ZNF474: variants seen among roughly 807,000 people sequenced by gnomAD.
The protein encoded by ZNF474 is zinc finger protein 474.
For synonymous variants in ZNF474, 192 were observed against 162.2 expected (o/e 1.18, Z -1.39); for missense variants, 511 against 433.8 (o/e 1.18, Z -1.58).
At chr5:122,140,477 A>T (rs1361878584) in intron 1 of ZNF474, among the ~76,000 whole-genome samples, 2 of 152,240 alleles carry the variant, frequency 1.3e-5, no homozygotes, top group East Asian at 3.8e-4. Context: ...CTCAGTAAAA[A>T]TTACAATAAA....
At chr5:122,142,254 CT>C (rs1285362306) in intron 1 of ZNF474, among the ~76,000 whole-genome samples, 1 of 152,176 alleles carries the variant, frequency 6.6e-6, no homozygotes, top group African/African-American at 2.4e-5. Context: ...AAAAAAGACC[CT>C]GTTGAAAACA....
chr5:122,129,609 T>C lies in ZNF474; in HGVS notation c.-287T>C, dbSNP rs753128965. 9.2e-5 allele frequency: 14 copies of C among 152,222 alleles called. No individual in the cohort carries two copies. The highest frequency in any genetic ancestry group is 1.5e-4 in the Non-Finnish European group (10 of 68,036). 9.4% of individuals were successfully genotyped at this position (152,222 alleles called of 1,614,324 possible). The stretch of plus-strand genomic sequence containing the variant: ...AATCTTGGAGCTCCCAGCTATTCTG[T>C]TCCTGTTTCTGTCAGCTCCTTCCCT... On this transcript the variant is annotated 5_prime_UTR_variant, in exon 1 of 2. Transcript: ENST00000296600.
intron 1 of ZNF474, among the ~76,000 whole-genome samples, chr5:122,144,934 G>C (rs1409640022): frequency 6.6e-6 from 1 of 152,150 alleles, no homozygotes; most frequent in Non-Finnish European, 1.5e-5. Flanking sequence ...ACTCAATATA[G>C]AGTGAAAATT....
Position 122,152,029 on chromosome 5 carries a change from A to C in ZNF474, c.39A>C (p.Leu13Phe). Residue 13 changes from leucine (L) to phenylalanine (F), a missense_variant, in exon 2 of 2, where the codon TTA (leucine) becomes TTC (phenylalanine). Physicochemically the swap from Leu to Phe is conservative, Grantham distance 22 (BLOSUM62 0). Transcript: ENST00000296600. ...AGAAGAAAAGAATTTCCAATAAGTT[A>C]CAACAAACTTTTCACCATTCTAAAG... ...RGKKKRISNK[L>F]QQTFHHSKEP... is the part of the protein sequence containing the mutation. The C allele has an allele frequency of 6.2e-7, 1 of 1,612,118 alleles. No individual in the cohort carries two copies. The highest frequency in any genetic ancestry group is 8.5e-7 in the Non-Finnish European group (1 of 1,179,544).
At chr5:122,143,461 A>G (rs890577731) in intron 1 of ZNF474, among the ~76,000 whole-genome samples, 2 of 152,190 alleles carry the variant, frequency 1.3e-5, no homozygotes, top group African/African-American at 4.8e-5. Context: ...AAATGTAGAT[A>G]CTAAAATATG....
At chr5:122,145,436 G>A (rs922715800) in intron 1 of ZNF474, among the ~76,000 whole-genome samples, 2 of 152,150 alleles carry the variant, frequency 1.3e-5, no homozygotes, top group Non-Finnish European at 2.9e-5. Flanking sequence ...CAGAACCAGT[G>A]AGAATGAGCC....
At chr5:122,141,338 C>G (rs1350731045) in intron 1 of ZNF474, among the ~76,000 whole-genome samples, 3 of 120,042 alleles carry the variant, frequency 2.5e-5, no homozygotes, top group African/African-American at 1.1e-4. Context: ...GAGAGGGAGT[C>G]TCCCTCTCTT....
Position 122,153,388 on chromosome 5 carries a change from C to T in ZNF474, c.*303C>T, listed in dbSNP as rs62382993. ...AGTCATTAATGCTGTGTCTACATTA[C>T]AGAGATATAATTCCCATTCCAACAG... On this transcript the variant is annotated 3_prime_UTR_variant, in exon 2 of 2. Coordinates refer to ENST00000296600, the MANE Select transcript of ZNF474 (RefSeq NM_207317.3). 0.028 allele frequency: 8,877 copies of T among 313,050 alleles called. 416 individuals carry two copies. The highest frequency in any genetic ancestry group is 0.11 in the African/African-American group (5,274 of 46,462). 19.4% of individuals were successfully genotyped at this position (313,050 alleles called of 1,614,324 possible).
At chr5:122,151,685 A>G (rs1175713704) in intron 1 of ZNF474, 94 bp from the exon 2 acceptor site, 1 of 210,982 alleles carries the variant, frequency 4.7e-6, no homozygotes, top group Non-Finnish European at 9.3e-6. Context: ...AAGCACACAC[A>G]CACACACAAA....
Position 122,152,152 on chromosome 5 carries a change from A to G in ZNF474, c.162A>G (p.Ile54Met), listed in dbSNP as rs1756199221. ...AGAGTGTTAATCCTGGTGAAAATAT[A>G]AAGACAGACACTCAGAAAAAGAGAC... ...ETESVNPGEN[I>M]KTDTQKKRPG... The change falls in exon 2 of 2, where the codon ATA (isoleucine) becomes ATG (methionine). Residue 54 changes from isoleucine to methionine, a missense_variant. Physicochemically the swap from Ile to Met is conservative, Grantham distance 10. Transcript: ENST00000296600. 6.2e-7 allele frequency: 1 copy of G among 1,614,168 alleles called. No individual in the cohort carries two copies.
At chr5:122,149,726 C>G (rs969277018) in intron 1 of ZNF474, among the ~76,000 whole-genome samples, 3 of 152,092 alleles carry the variant, frequency 2.0e-5, no homozygotes, top group African/African-American at 7.2e-5. Context: ...TGAGAATTAA[C>G]TAAAATTATG....
chr5:122,146,256 AGGTT>A (rs1755986458), intron 1 of ZNF474, among the ~76,000 whole-genome samples: 1 of 152,198 alleles, frequency 6.6e-6, no homozygotes, highest in Non-Finnish European at 1.5e-5. Context: ...ATAGAAAAGA[AGGTT>A]GGGAGTATAC....
intron 1 of ZNF474, among the ~76,000 whole-genome samples, chr5:122,132,033 A>G (rs1246376524): frequency 1.3e-5 from 2 of 152,088 alleles, no homozygotes; most frequent in African/African-American, 4.8e-5. Context: ...TAACTGATAT[A>G]CTTTCTGTCA....
intron 1 of ZNF474, among the ~76,000 whole-genome samples, chr5:122,140,337 T>C (rs1219372586): frequency 6.6e-6 from 1 of 152,184 alleles, no homozygotes; most frequent in African/African-American, 2.4e-5. Flanking sequence ...CATCAACAAC[T>C]TGGTTGAGGT....
In ZNF474 at chr5:122,152,379, AT is replaced by A; in HGVS notation, c.392del (p.Leu131Ter). On this transcript the variant is annotated frameshift_variant, in exon 2 of 2. Transcript: ENST00000296600. LOFTEE classifies it low-confidence loss of function (END_TRUNC). ...ATTGAAAACAGCAAGTTGCCCAAGC[AT>A]TTGAGGAGGCCAGAACCCTCCAAAC... ...WHIENSKLPK[H>X]LRRPEPSKPQ... 6.2e-7 allele frequency: 1 copy of A among 1,614,200 alleles called. No homozygotes were observed. The highest frequency in any genetic ancestry group is 8.5e-7 in the Non-Finnish European group (1 of 1,180,040).
chr5:122,131,844 T>A (rs1010702420), intron 1 of ZNF474, among the ~76,000 whole-genome samples: 1 of 152,116 alleles, frequency 6.6e-6, no homozygotes, highest in Non-Finnish European at 1.5e-5. Flanking sequence ...TTTTTTCTTT[T>A]TAATGTCTTT....
chr5:122,151,822 C>A lies in ZNF474; in HGVS notation c.-169C>A. The A allele has an allele frequency of 1.3e-6, 1 of 755,290 alleles. No individual in the cohort carries two copies. Among genetic ancestry groups the A allele is most frequent in the Admixed American group, 2.9e-5 (1 of 34,080 alleles). The allele number at this position is 755,290 out of a possible 1,614,324, so 46.8% of individuals were successfully genotyped here. ...CTTTAATGAGGACTTTCCAACATTC[C>A]AGACTGCCGTCCTGCAATGAAGCTC... On this transcript the variant is annotated 5_prime_UTR_variant, in exon 2 of 2. Transcript: ENST00000296600.
intron 1 of ZNF474, among the ~76,000 whole-genome samples, chr5:122,132,435 A>T (rs1005942998): frequency 6.6e-6 from 1 of 152,052 alleles, no homozygotes; most frequent in African/African-American, 2.4e-5. Flanking sequence ...TCTTGCAAAC[A>T]GTTCTTCCCA....
At chr5:122,142,313 A>T (rs1285108460) in intron 1 of ZNF474, among the ~76,000 whole-genome samples, 1 of 152,214 alleles carries the variant, frequency 6.6e-6, no homozygotes, top group Non-Finnish European at 1.5e-5. Context: ...TTTTAAATTA[A>T]ACTCTTCCCA....
Sources: allele counts gnomAD v4.1 joint callset (sites outside exome capture counted in the v4.1 genomes callset), GRCh38; gene constraint gnomAD v4.1.1; transcripts MANE v1.5; gene names NCBI Gene and HGNC (gene_info 2026-07-23, HGNC 2026-07-21).